Variants in FAM53A observed in about 807,000 individuals in gnomAD.
FAM53A encodes the protein protein FAM53A.
In FAM53A, 28 loss-of-function variants were observed where a neutral mutation model predicts 26.6. The ratio of observed to expected loss-of-function variants is 1.05; its 90% CI spans 0.78 to 1.45. The LOEUF (loss-of-function observed/expected upper bound fraction) is 1.45, where lower values mean the gene tolerates loss of function less well. Among genes scored for constraint, FAM53A ranks in the 40% most tolerant of loss-of-function variants. The pLI, the probability that FAM53A is intolerant of heterozygous loss-of-function variation, is 0.00. For synonymous variants in FAM53A, 290 were observed against 253.1 expected (o/e 1.15, Z -1.38); for missense variants, 650 against 575.8 (o/e 1.13, Z -1.32).
chr4:1,604,434 C>T, the FAM53A span, among the ~76,000 whole-genome samples: 2 of 152,126 alleles, frequency 1.3e-5, no homozygotes, highest in African/African-American at 2.4e-5. Flanking sequence ...TGGAGGGTCC[C>T]GTACCGTGGG....
chr4:1,655,534 G>A lies in FAM53A; in HGVS notation c.326C>T (p.Thr109Ile), dbSNP rs757367302. ...AASTVDPSES[T>I]GSSTAPPTKR... ...GGTCGGTGGGGCCGTGGACGAGCCT[G>A]TGCTTTCACTGGGGTCCACGGTGCT... The change falls in exon 4 of 5, where the codon ACA becomes ATA. Residue 109 changes from threonine (T) to isoleucine (I), a missense_variant. Thr to Ile is a moderately conservative substitution (Grantham distance 89). Coordinates refer to ENST00000308132, the MANE Select transcript of FAM53A (RefSeq NM_001174070.3). 80 of 1,567,616 alleles carry A rather than the reference G, an allele frequency of 5.1e-5. 1 individual carries two copies. The Admixed American group carries it at 1.5e-3, about 30-fold the overall frequency.
chr4:1,662,409 G>A (rs924578346), intron 2 of FAM53A, among the ~76,000 whole-genome samples: 1 of 150,396 alleles, frequency 6.6e-6, no homozygotes. Context: ...AACCCAGGAG[G>A]TGGAGGTTGC....
rs1560133934 is a variant in FAM53A at position 1,641,262 on chromosome 4, C to T, written c.*31G>A. 4 of 1,610,836 alleles carry T rather than the reference C, an allele frequency of 2.5e-6. No individual in the cohort carries two copies. The highest frequency in any genetic ancestry group is 3.4e-6 in the Non-Finnish European group (4 of 1,178,968). On this transcript the variant is annotated 3_prime_UTR_variant, in exon 5 of 5. Coordinates refer to ENST00000308132, the MANE Select transcript of FAM53A (RefSeq NM_001174070.3). ...TGTGCCCCAGGGCAGGTGCAGGCGGCAGCCATGGCCCCGACCAGCCCCCAC... is the reference window on the plus strand; with the variant it reads ...TGTGCCCCAGGGCAGGTGCAGGCGGTAGCCATGGCCCCGACCAGCCCCCAC...
chr4:1,682,050 T>C (rs1486760012), intron 1 of FAM53A, among the ~76,000 whole-genome samples: 1 of 152,094 alleles, frequency 6.6e-6, no homozygotes, highest in African/African-American at 2.4e-5. Context: ...CTGGGTTCCT[T>C]GGAAACTGAA....
At chr4:1,589,256 C>T in the FAM53A span, among the ~76,000 whole-genome samples, 3 of 152,202 alleles carry the variant, frequency 2.0e-5, no homozygotes, top group Non-Finnish European at 4.4e-5. Flanking sequence ...TTCTTCCCCT[C>T]TAGTCCATTC....
intron 1 of FAM53A, among the ~76,000 whole-genome samples, chr4:1,619,247 T>C (rs1421671875): frequency 1.3e-5 from 2 of 152,222 alleles, no homozygotes; most frequent in East Asian, 3.9e-4. Flanking sequence ...TCCCACCTTG[T>C]GGCGAGCGGC....
Position 1,655,681 on chromosome 4 carries a change from C to T in FAM53A, c.179G>A (p.Arg60Lys). ...ATCAGGGCCCGTGGCTGCCTGGCTTCTGACGGGCGGTCCTCCACTGAAGAC... is the reference window on the plus strand; with the variant it reads ...ATCAGGGCCCGTGGCTGCCTGGCTTTTGACGGGCGGTCCTCCACTGAAGAC... The part of the protein sequence containing the change: ...WKVFSGGPPV[R>K]SQAATGPDFS... The change falls in exon 4 of 5, where the codon AGA becomes AAA. Residue 60 changes from arginine (R) to lysine (K), a missense_variant. Transcript: ENST00000308132. The T allele has an allele frequency of 6.3e-7, 1 of 1,594,008 alleles. No homozygotes were observed. Among genetic ancestry groups the T allele is most frequent in the Non-Finnish European group, 8.5e-7 (1 of 1,174,002 alleles).
chr4:1,654,845 C>T lies in FAM53A; in HGVS notation c.882+133G>A, dbSNP rs577255737. 2.4e-5 allele frequency: 31 copies of T among 1,286,242 alleles called. No homozygotes were observed. The African/African-American group carries it at 4.5e-4, about 19-fold the overall frequency. 79.7% of individuals were successfully genotyped at this position (1,286,242 alleles called of 1,614,324 possible). A position where few individuals can be genotyped will look rare whatever the true frequency, so the allele number is the denominator to read the frequency against. Reference sequence around the variant, plus strand: ...CACGCACTCCAGATGGCTCTCCTCACTCCTTTCCTCCCAGCCCAGAGAAGA... The same window carrying T: ...CACGCACTCCAGATGGCTCTCCTCATTCCTTTCCTCCCAGCCCAGAGAAGA... On this transcript the variant is annotated intron_variant, in intron 4 of 4. Coordinates refer to ENST00000308132, the MANE Select transcript of FAM53A (RefSeq NM_001174070.3).
At chr4:1,592,284 G>A in the FAM53A span, among the ~76,000 whole-genome samples, 189 of 152,262 alleles carry the variant, frequency 1.2e-3, no homozygotes, top group Non-Finnish European at 2.1e-3. Context: ...TGTGCACGGC[G>A]CGTACCAGCC....
the FAM53A span, among the ~76,000 whole-genome samples, chr4:1,592,610 C>G: frequency 2.6e-5 from 4 of 152,188 alleles, no homozygotes; most frequent in Admixed American, 6.5e-5. Flanking sequence ...AGCCCCTCTC[C>G]TGGGCCAAGC....
chr4:1,682,574 T>G lies in FAM53A; in HGVS notation c.-165+1659A>C, dbSNP rs73075636. On this transcript the variant is annotated intron_variant, in intron 1 of 4. Coordinates refer to ENST00000308132, the MANE Select transcript of FAM53A (RefSeq NM_001174070.3). ...CCGCGCCTAGCCTTAATTTCCTTTT[T>G]TAGAAAAACATTTTCCCTGTTCCCA... Among the ~76,000 whole-genome samples, 519 of 152,302 alleles carry G rather than the reference T, an allele frequency of 3.4e-3. 4 individuals are homozygous for G. Among genetic ancestry groups the G allele is most frequent in the African/African-American group, 0.011 (476 of 41,574 alleles).
the FAM53A span, among the ~76,000 whole-genome samples, chr4:1,579,441 C>T: frequency 6.6e-6 from 1 of 152,122 alleles, no homozygotes; most frequent in African/African-American, 2.4e-5. Context: ...CCCCGCCCTC[C>T]GCACTCGCCC....
chr4:1,657,483 A>G lies in FAM53A; in HGVS notation c.76-15T>C. On this transcript the variant is annotated splice_polypyrimidine_tract_variant and intron_variant, in intron 2 of 4. Coordinates refer to ENST00000308132, the MANE Select transcript of FAM53A (RefSeq NM_001174070.3). ...GAATACTGCAACTGACAGGAAAGAGAAGTTTCAATACTGTGACTGACACGT... is the reference window on the plus strand; with the variant it reads ...GAATACTGCAACTGACAGGAAAGAGGAGTTTCAATACTGTGACTGACACGT... 6.2e-7 allele frequency: 1 copy of G among 1,611,906 alleles called. No homozygotes were observed. Among genetic ancestry groups the G allele is most frequent in the Non-Finnish European group, 8.5e-7 (1 of 1,178,612 alleles).
chr4:1,626,232 G>A lies in FAM53A; in HGVS notation c.432-8121C>T, dbSNP rs115546492. 9.3e-3 allele frequency among the ~76,000 whole-genome samples: 1,412 copies of A among 152,304 alleles called. 17 individuals carry two copies. The highest frequency in any genetic ancestry group is 0.017 in the African/African-American group (724 of 41,568). The stretch of plus-strand genomic sequence containing the variant: ...AGGAGGAGGAGGTAGGGGTCAGGCC[G>A]GACCTTACCCCAAGCTGAGCCCAAG... On this transcript the variant is annotated intron_variant, in intron 1 of 1. Coordinates refer to the FAM53A transcript ENST00000489029.
At chr4:1,609,818 C>T in the FAM53A span, among the ~76,000 whole-genome samples, 5 of 151,948 alleles carry the variant, frequency 3.3e-5, no homozygotes, top group African/African-American at 1.2e-4. Context: ...TAAAAATTAG[C>T]CAGGCATGGT....
the FAM53A span, among the ~76,000 whole-genome samples, chr4:1,581,965 T>C: frequency 2.0e-5 from 3 of 151,776 alleles, no homozygotes; most frequent in Non-Finnish European, 4.4e-5. Flanking sequence ...CACAGCTCAC[T>C]GCAGCCTCCT....
At chr4:1,576,595 T>C in the FAM53A span, among the ~76,000 whole-genome samples, 1 of 152,226 alleles carries the variant, frequency 6.6e-6, no homozygotes, top group African/African-American at 2.4e-5. Flanking sequence ...TGAAATTACA[T>C]TTGTAAATGA....
chr4:1,661,911 C>G (rs972730106), intron 2 of FAM53A, among the ~76,000 whole-genome samples: 1 of 152,092 alleles, frequency 6.6e-6, no homozygotes, highest in Admixed American at 6.5e-5. Context: ...GAGGAACCGC[C>G]GGACGGATCT....
At chr4:1,575,134 G>A in the FAM53A span, among the ~76,000 whole-genome samples, 5 of 152,180 alleles carry the variant, frequency 3.3e-5, no homozygotes, top group Non-Finnish European at 7.4e-5. Context: ...ATGCCCTGCT[G>A]GGGGAAGAGG....
Sources: gnomAD v4.1 joint callset for allele counts (sites outside exome capture counted in the v4.1 genomes callset) on GRCh38, gnomAD v4.1.1 for gene constraint, MANE v1.5 for transcripts, NCBI Gene and HGNC (gene_info 2026-07-23, HGNC 2026-07-21) for gene names.